Variants in TMEM215 observed in about 807,000 individuals in gnomAD.
TMEM215 encodes transmembrane protein 215.
TMEM215 carries 12 observed loss-of-function variants against 14.7 expected under a neutral mutation model. That is an observed-to-expected ratio of 0.82 (90% CI 0.52 to 1.33). TMEM215 has a LOEUF of 1.33. TMEM215 is among the 40% of genes most tolerant of loss of function. The probability of loss-of-function intolerance (pLI) is 0.00; values close to 1 mark genes in which losing one functional copy is unlikely to be tolerated. For missense variants in TMEM215, 276 were observed against 296.2 expected, an observed-to-expected ratio of 0.93 and a Z score of 0.50; for synonymous variants, 122 against 124.8, an observed-to-expected ratio of 0.98 and a Z score of 0.15.
chr9:32,784,697 C>G lies in TMEM215; in HGVS notation c.514C>G (p.Leu172Val), dbSNP rs768834840. The G allele has an allele frequency of 6.2e-7, 1 of 1,614,130 alleles. No homozygotes were observed. The highest frequency in any genetic ancestry group is 1.1e-5 in the South Asian group (1 of 91,082). ...CGGCTACTGCCCCTCGGGCAGTTCC[C>G]TCACCTACAGTGCCTTGGACGTCAA... ...LDGYCPSGSS[L>V]TYSALDVKCS... The change falls in exon 2 of 2, where the codon CTC becomes GTC. Residue 172 changes from leucine (L) to valine (V), a missense_variant. Transcript: ENST00000342743.
In TMEM215 at chr9:32,788,588, T is replaced by C. The variant is rs1045654083; in HGVS notation, c.*3697T>C. On this transcript the variant is annotated 3_prime_UTR_variant, in exon 2 of 2. Coordinates refer to ENST00000342743, the MANE Select transcript of TMEM215 (RefSeq NM_212558.3). ...TTGTATGTTTTTTTCCTATTGCTGGTTACACTGCTATATTATTTGTTATAT... is the reference window on the plus strand; with the variant it reads ...TTGTATGTTTTTTTCCTATTGCTGGCTACACTGCTATATTATTTGTTATAT... 2.0e-5 allele frequency among the ~76,000 whole-genome samples: 3 copies of C among 152,260 alleles called. No individual in the cohort carries two copies. Among genetic ancestry groups the C allele is most frequent in the Admixed American group, 6.5e-5 (1 of 15,288 alleles).
Position 32,788,321 on chromosome 9 carries a change from C to T in TMEM215, c.*3430C>T, listed in dbSNP as rs1045719279. ...CCACAACCTCACTATCCTAAAGCAACTACTGTGTTTCTATTTTGGTATATC... is the reference window on the plus strand; with the variant it reads ...CCACAACCTCACTATCCTAAAGCAATTACTGTGTTTCTATTTTGGTATATC... On this transcript the variant is annotated 3_prime_UTR_variant, in exon 2 of 2. Transcript: ENST00000342743. Among the ~76,000 whole-genome samples, 1 of 152,164 alleles carries T rather than the reference C, an allele frequency of 6.6e-6. No individual in the cohort carries two copies. The highest frequency in any genetic ancestry group is 2.4e-5 in the African/African-American group (1 of 41,448).
Position 32,785,778 on chromosome 9 carries a change from T to A in TMEM215, c.*887T>A, listed in dbSNP as rs1824500106. The A allele has an allele frequency of 6.0e-6, 1 of 166,854 alleles. No homozygotes were observed. The highest frequency in any genetic ancestry group is 1.5e-5 in the Non-Finnish European group (1 of 68,110). 10.3% of individuals were successfully genotyped at this position (166,854 alleles called of 1,614,324 possible). On this transcript the variant is annotated 3_prime_UTR_variant, in exon 2 of 2. Coordinates refer to ENST00000342743, the MANE Select transcript of TMEM215 (RefSeq NM_212558.3). ...CAAGTCTTTAACATTGGCAGACATG[T>A]ACTGATAATTACCATTCCTACATAC...
rs2118244375 is a variant in TMEM215, at chr9:32,786,297, T to C, written c.*1406T>C. 6.0e-6 allele frequency: 1 copy of C among 167,124 alleles called. No individual in the cohort carries two copies. Among genetic ancestry groups the C allele is most frequent in the East Asian group, 1.9e-4 (1 of 5,192 alleles). The allele number at this position is 167,124 out of a possible 1,614,324, so 10.4% of individuals were successfully genotyped here. On this transcript the variant is annotated 3_prime_UTR_variant, in exon 2 of 2. Coordinates refer to ENST00000342743, the MANE Select transcript of TMEM215 (RefSeq NM_212558.3). ...TAGTCACTTTCTCCCAAAAGGGGAA[T>C]TGAGGACAAAAATTTGGGCATATAT...
Position 32,784,914 on chromosome 9 carries a change from G to A in TMEM215, c.*23G>A, listed in dbSNP as rs767948874. 3.1e-6 allele frequency: 5 copies of A among 1,589,976 alleles called. No individual in the cohort carries two copies. Among genetic ancestry groups the A allele is most frequent in the Non-Finnish European group, 4.3e-6 (5 of 1,163,564 alleles). ...TAATCTCTGCCTACAAAGGTGGCTGGATTGATAGAATATGACTAAGCCCAG... is the reference window on the plus strand; with the variant it reads ...TAATCTCTGCCTACAAAGGTGGCTGAATTGATAGAATATGACTAAGCCCAG... On this transcript the variant is annotated 3_prime_UTR_variant, in exon 2 of 2. Transcript: ENST00000342743.
Position 32,787,267 on chromosome 9 carries a change from GTT to G in TMEM215, c.*2379_*2380del, listed in dbSNP as rs971573347. On this transcript the variant is annotated 3_prime_UTR_variant, in exon 2 of 2. Transcript: ENST00000342743. ...TTAGAGATATAAGGTATTTTATCTT[GTT>G]TTCAAGTTCTACTTCAGAAGAAAAC... The G allele has an allele frequency of 1.8e-5, 3 of 166,754 alleles. No individual in the cohort carries two copies. The highest frequency in any genetic ancestry group is 4.4e-5 in the Non-Finnish European group (3 of 67,970). The allele number at this position is 166,754 out of a possible 1,614,324, so 10.3% of individuals were successfully genotyped here.
rs1824513096 is a variant in TMEM215 at position 32,786,891 on chromosome 9, A to T, written c.*2000A>T. The T allele has an allele frequency of 6.0e-6, 1 of 166,996 alleles. No individual in the cohort carries two copies. 10.3% of individuals were successfully genotyped at this position (166,996 alleles called of 1,614,324 possible). On this transcript the variant is annotated 3_prime_UTR_variant, in exon 2 of 2. Coordinates refer to ENST00000342743, the MANE Select transcript of TMEM215 (RefSeq NM_212558.3). ...AATGTGATTGACATTTGGATTTGGG[A>T]TGGGGAGAGATAGTTTCCTAAAATC... is the stretch of plus-strand genomic sequence containing the variant.
At position 32,788,324 on chromosome 9, in the gene TMEM215, C is replaced by T. The variant is rs1299646399; in HGVS notation, c.*3433C>T. Among the ~76,000 whole-genome samples the T allele has an allele frequency of 1.3e-5, 2 of 152,190 alleles. No homozygotes were observed. Among genetic ancestry groups the T allele is most frequent in the African/African-American group, 4.8e-5 (2 of 41,458 alleles). On this transcript the variant is annotated 3_prime_UTR_variant, in exon 2 of 2. Coordinates refer to ENST00000342743, the MANE Select transcript of TMEM215 (RefSeq NM_212558.3). ...CAACCTCACTATCCTAAAGCAACTA[C>T]TGTGTTTCTATTTTGGTATATCATC... is the stretch of plus-strand genomic sequence containing the variant.
At position 32,787,636 on chromosome 9, in the gene TMEM215, G is replaced by T. The variant is rs1210015258; in HGVS notation, c.*2745G>T. Among the ~76,000 whole-genome samples, 2 of 152,014 alleles carry T rather than the reference G, an allele frequency of 1.3e-5. No homozygotes were observed. The highest frequency in any genetic ancestry group is 2.9e-5 in the Non-Finnish European group (2 of 67,938). ...GAGGTAGAAGAGAAAGAGAAAAAAA[G>T]TGTCTCAGCCCTTTAGAGGAAAAGA... On this transcript the variant is annotated 3_prime_UTR_variant, in exon 2 of 2. Coordinates refer to ENST00000342743, the MANE Select transcript of TMEM215 (RefSeq NM_212558.3).
Position 32,783,762 on chromosome 9 carries a change from C to T in TMEM215, c.-102C>T, listed in dbSNP as rs971775661. On this transcript the variant is annotated 5_prime_UTR_variant, in exon 1 of 2. Transcript: ENST00000342743. Reference sequence around the variant, plus strand: ...GCTGTGGGGGCTTCTGAGGAGACAGCCTGGCTTCTTTCCCTACTTCCTGGA... The same window carrying T: ...GCTGTGGGGGCTTCTGAGGAGACAGTCTGGCTTCTTTCCCTACTTCCTGGA... 8.6e-5 allele frequency: 14 copies of T among 162,264 alleles called. No homozygotes were observed. Among genetic ancestry groups the T allele is most frequent in the Admixed American group, 4.9e-4 (8 of 16,354 alleles). The allele number at this position is 162,264 out of a possible 1,614,324, so 10.1% of individuals were successfully genotyped here.
rs1281127845 is a variant in TMEM215 at position 32,788,386 on chromosome 9, A to T, written c.*3495A>T. On this transcript the variant is annotated 3_prime_UTR_variant, in exon 2 of 2. Transcript: ENST00000342743. ...CTCCACATGCAAATGCAGCATACAT[A>T]TTATAATAGTGTGTTTTTCTTTTCT... 6.6e-6 allele frequency among the ~76,000 whole-genome samples: 1 copy of T among 152,190 alleles called. No individual in the cohort carries two copies. Among genetic ancestry groups the T allele is most frequent in the Non-Finnish European group, 1.5e-5 (1 of 68,012 alleles).
At position 32,784,316 on chromosome 9, in the gene TMEM215, A is replaced by C; in HGVS notation, c.133A>C (p.Ile45Leu). ...ETLGNIPLLA[I>L]GPAICLPGIA... ...TTTGGGAAACATCCCCCTCCTGGCC[A>C]TCGGGCCAGCCATCTGCCTACCAGG... The change falls in exon 2 of 2, where the codon ATC (isoleucine) becomes CTC (leucine). Residue 45 changes from isoleucine to leucine, a missense_variant. Transcript: ENST00000342743. 6.2e-7 allele frequency: 1 copy of C among 1,614,190 alleles called. No individual in the cohort carries two copies. Among genetic ancestry groups the C allele is most frequent in the Non-Finnish European group, 8.5e-7 (1 of 1,180,026 alleles).
In TMEM215 at chr9:32,784,687, G is replaced by C; in HGVS notation, c.504G>C (p.Ser168=). The C allele has an allele frequency of 1.2e-6, 2 of 1,614,014 alleles. No individual in the cohort carries two copies. The highest frequency in any genetic ancestry group is 2.2e-5 in the South Asian group (2 of 91,072). ...TSRYLDGYCP[S]GSSLTYSALD... is the part of the protein sequence containing the mutation. ...GATACCTGGACGGCTACTGCCCCTC[G>C]GGCAGTTCCCTCACCTACAGTGCCT... Residue 168 remains serine, a synonymous_variant, in exon 2 of 2, where the codon TCG becomes TCC. Coordinates refer to ENST00000342743, the MANE Select transcript of TMEM215 (RefSeq NM_212558.3).
Position 32,785,058 on chromosome 9 carries a change from G to A in TMEM215, c.*167G>A. 2 of 636,446 alleles carry A rather than the reference G, an allele frequency of 3.1e-6. No homozygotes were observed. The highest frequency in any genetic ancestry group is 4.0e-5 in the South Asian group (2 of 49,508). The allele number at this position is 636,446 out of a possible 1,614,324, so 39.4% of individuals were successfully genotyped here. On this transcript the variant is annotated 3_prime_UTR_variant, in exon 2 of 2. Transcript: ENST00000342743. ...AGAGTCATGTAAATAGGCATGTTGG[G>A]GACACATTTTAGGGAAGGGCGATGA... is the stretch of plus-strand genomic sequence containing the variant.
rs1483822960 is a variant in TMEM215 at position 32,788,648 on chromosome 9, T to C, written c.*3757T>C. On this transcript the variant is annotated 3_prime_UTR_variant, in exon 2 of 2. Coordinates refer to ENST00000342743, the MANE Select transcript of TMEM215 (RefSeq NM_212558.3). ...GAGGAACTTTACTATTGAACAGGTA[T>C]CTCCTTGTGGATGAGAGAGAGGAGG... is the stretch of plus-strand genomic sequence containing the variant. 2.0e-5 allele frequency among the ~76,000 whole-genome samples: 3 copies of C among 152,238 alleles called. No homozygotes were observed. Among genetic ancestry groups the C allele is most frequent in the South Asian group, 4.1e-4 (2 of 4,830 alleles).
chr9:32,788,679 A>T lies in TMEM215; in HGVS notation c.*3788A>T, dbSNP rs300636. On this transcript the variant is annotated 3_prime_UTR_variant, in exon 2 of 2. Coordinates refer to ENST00000342743, the MANE Select transcript of TMEM215 (RefSeq NM_212558.3). ...TGTGGATGAGAGAGAGGAGGCAGAA[A>T]TGTGTAAATGAATGGAACTCTCCAT... Among the ~76,000 whole-genome samples, 101,737 of 152,148 alleles carry T rather than the reference A, an allele frequency of 0.67. 35,291 individuals are homozygous for T. The highest frequency in any genetic ancestry group is 0.92 in the East Asian group (4,768 of 5,174).
chr9:32,784,576 G>C lies in TMEM215; in HGVS notation c.393G>C (p.Val131=). ...PPPQSQGEVS[V]ASSINSPTPT... ...CACAAAGCCAGGGTGAGGTGTCCGT[G>C]GCCAGCTCCATCAACAGCCCCACAC... Residue 131 remains valine, a synonymous_variant, in exon 2 of 2, where the codon GTG becomes GTC. Transcript: ENST00000342743. The C allele has an allele frequency of 6.2e-7, 1 of 1,613,638 alleles. No homozygotes were observed. Among genetic ancestry groups the C allele is most frequent in the Non-Finnish European group, 8.5e-7 (1 of 1,179,904 alleles).
At position 32,787,577 on chromosome 9, in the gene TMEM215, CA is replaced by C. The variant is rs886482842; in HGVS notation, c.*2693del. On this transcript the variant is annotated 3_prime_UTR_variant, in exon 2 of 2. Coordinates refer to ENST00000342743, the MANE Select transcript of TMEM215 (RefSeq NM_212558.3). ...TCCAAAGTCAAAAAATATATATACA[CA>C]AAAAAAGGGGAAAAGCCACATTTTT... Among the ~76,000 whole-genome samples, 20 of 150,756 alleles carry C rather than the reference CA, an allele frequency of 1.3e-4. No homozygotes were observed. The highest frequency in any genetic ancestry group is 4.6e-4 in the African/African-American group (19 of 40,956).
chr9:32,784,103 C>A, intron 1 of TMEM215, 23 bp from the exon 2 acceptor site: 1 of 1,354,732 alleles, frequency 7.4e-7, no homozygotes, highest in Non-Finnish European at 1.0e-6. Context: ...TTTTTTAACG[C>A]ACTGTGGTTT....
Sources: allele counts gnomAD v4.1 joint callset (sites outside exome capture counted in the v4.1 genomes callset), GRCh38; gene constraint gnomAD v4.1.1; transcripts MANE v1.5; gene names NCBI Gene and HGNC (gene_info 2026-07-23, HGNC 2026-07-21).